The following COLEC12 variants were observed in gnomAD, a reference collection of about 807,000 sequenced individuals.
COLEC12 encodes collectin-12.
In COLEC12, 33 loss-of-function variants were observed where a neutral mutation model predicts 71.1. That is an observed-to-expected ratio of 0.46 (90% CI 0.35 to 0.62). COLEC12 has a LOEUF of 0.62. COLEC12 is among the 20% of genes least tolerant of loss of function. COLEC12 has a pLI of 0.00. For synonymous variants in COLEC12, 350 were observed against 353.0 expected, an observed-to-expected ratio of 0.99 and a Z score of 0.10; for missense variants, 765 against 916.1, an observed-to-expected ratio of 0.84 and a Z score of 2.13.
At chr18:377,911 G>A (rs920955746) in intron 2 of COLEC12, among the ~76,000 whole-genome samples, 1 of 151,904 alleles carries the variant, frequency 6.6e-6, no homozygotes, top group Admixed American at 6.6e-5. Flanking sequence ...GGCGGGTTGG[G>A]GCTTTAACTC....
chr18:337,021 CTT>C (rs71363208), intron 5 of COLEC12, among the ~76,000 whole-genome samples: 15,646 of 144,896 alleles, frequency 0.11, 947 homozygotes, highest in Admixed American at 0.16. Flanking sequence ...ACATTGCCTG[CTT>C]TTTTTTTTTT....
chr18:387,723 T>C (rs894154978), intron 2 of COLEC12, among the ~76,000 whole-genome samples: 1 of 152,220 alleles, frequency 6.6e-6, no homozygotes, highest in African/African-American at 2.4e-5. Context: ...TTGGGATCTT[T>C]GTTGAGAGAA....
chr18:490,543 C>G (rs1364610580), intron 1 of COLEC12, among the ~76,000 whole-genome samples: 2 of 152,192 alleles, frequency 1.3e-5, no homozygotes, highest in African/African-American at 4.8e-5. Flanking sequence ...ACGACATTAT[C>G]TGACTCTTTA....
intron 2 of COLEC12, among the ~76,000 whole-genome samples, chr18:368,208 G>A (rs1360159779): frequency 3.3e-5 from 5 of 152,292 alleles, no homozygotes; most frequent in South Asian, 4.1e-4. Flanking sequence ...GGGAACATAC[G>A]TTTGTACACA....
chr18:334,845 T>TGGTACCCCAGGCAAGCCTGGCAGTCCC lies in COLEC12; in HGVS notation c.1686_1712dup (p.Leu564_Gly572dup). ...GGGGGCCCTTGGGGCCTGGCATGCC[T>TGGTACCCCAGGCAAGCCTGGCAGTCCC]GGTACCCCAGGCAAGCCTGGCAGTC... On this transcript the variant is annotated inframe_insertion, in exon 6 of 10. Transcript: ENST00000400256. 1 of 1,525,992 alleles carries TGGTACCCCAGGCAAGCCTGGCAGTCCC rather than the reference T, an allele frequency of 6.6e-7. No individual in the cohort carries two copies. Among genetic ancestry groups the TGGTACCCCAGGCAAGCCTGGCAGTCCC allele is most frequent in the Non-Finnish European group, 8.7e-7 (1 of 1,145,998 alleles). 94.5% of individuals were successfully genotyped at this position (1,525,992 alleles called of 1,614,324 possible).
intron 2 of COLEC12, among the ~76,000 whole-genome samples, chr18:370,718 G>C (rs1914981230): frequency 6.6e-6 from 1 of 152,084 alleles, no homozygotes; most frequent in African/African-American, 2.4e-5. Context: ...GGGATCCCAG[G>C]GATGGTCTCA....
intron 2 of COLEC12, among the ~76,000 whole-genome samples, chr18:368,044 A>G: frequency 6.6e-6 from 1 of 152,246 alleles, no homozygotes; most frequent in East Asian, 1.9e-4. Context: ...TAAAAATGAA[A>G]AACCATTAAA....
intron 8 of COLEC12, among the ~76,000 whole-genome samples, chr18:325,518 G>A (rs966709111): frequency 2.6e-5 from 4 of 151,474 alleles, no homozygotes; most frequent in South Asian, 2.1e-4. Context: ...CCCAGGTCCC[G>A]TATGTGTCCG....
chr18:387,341 A>G (rs1324407558), intron 2 of COLEC12, among the ~76,000 whole-genome samples: 2 of 152,290 alleles, frequency 1.3e-5, no homozygotes, highest in Non-Finnish European at 2.9e-5. Flanking sequence ...CGCTTTAGAG[A>G]AAGCAAAAAA....
intron 8 of COLEC12, among the ~76,000 whole-genome samples, chr18:324,344 G>A (rs1280247970): frequency 6.6e-6 from 1 of 152,152 alleles, no homozygotes. Context: ...TGAAGTCTGG[G>A]GCTCAAAGCC....
intron 3 of COLEC12, among the ~76,000 whole-genome samples, chr18:355,610 T>C (rs777058350): frequency 2.0e-5 from 3 of 152,252 alleles, no homozygotes; most frequent in Non-Finnish European, 4.4e-5. Flanking sequence ...CAACATGTTA[T>C]ATATTTGCCA....
At chr18:423,018 C>A (rs1321785247) in intron 2 of COLEC12, among the ~76,000 whole-genome samples, 1 of 152,220 alleles carries the variant, frequency 6.6e-6, no homozygotes, top group African/African-American at 2.4e-5. Flanking sequence ...CGCCTGTAAT[C>A]CTAATACGTT....
At chr18:344,986 G>A (rs1914338617) in intron 5 of COLEC12, among the ~76,000 whole-genome samples, 2 of 152,192 alleles carry the variant, frequency 1.3e-5, no homozygotes, top group Admixed American at 6.5e-5. Flanking sequence ...GCCTCACAGG[G>A]GCTTATTAAC....
At chr18:331,061 G>GT (rs1205308583) in intron 8 of COLEC12, among the ~76,000 whole-genome samples, 1 of 149,930 alleles carries the variant, frequency 6.7e-6, no homozygotes, top group Admixed American at 6.7e-5. Context: ...TGTTTTTTTT[G>GT]TTTTTTTAGT....
At chr18:460,616 C>T (rs1916964209) in intron 2 of COLEC12, among the ~76,000 whole-genome samples, 1 of 152,194 alleles carries the variant, frequency 6.6e-6, no homozygotes, top group Non-Finnish European at 1.5e-5. Flanking sequence ...TTCAATATAG[C>T]TTTCCTGACA....
intron 3 of COLEC12, among the ~76,000 whole-genome samples, chr18:353,828 A>G (rs955161665): frequency 6.6e-6 from 1 of 152,288 alleles, no homozygotes; most frequent in East Asian, 1.9e-4. Context: ...ACACCATTTT[A>G]GGTTTCCTTA....
At chr18:379,802 AG>A (rs1915192792) in intron 2 of COLEC12, among the ~76,000 whole-genome samples, 2 of 152,108 alleles carry the variant, frequency 1.3e-5, no homozygotes, top group Admixed American at 1.3e-4. Context: ...ATAAGGGAGG[AG>A]TTCATTCATC....
At chr18:367,896 C>A (rs1914890443) in intron 2 of COLEC12, among the ~76,000 whole-genome samples, 2 of 152,048 alleles carry the variant, frequency 1.3e-5, no homozygotes, top group South Asian at 4.1e-4. Context: ...CAAGACTGGC[C>A]AGGGCAACAC....
In COLEC12 at chr18:475,534, C is replaced by T. The variant is rs187706498; in HGVS notation, c.58+5173G>A. Among the ~76,000 whole-genome samples, 65 of 152,258 alleles carry T rather than the reference C, an allele frequency of 4.3e-4. 1 individual carries two copies. Among genetic ancestry groups the T allele is most frequent in the Admixed American group, 3.2e-3 (49 of 15,284 alleles). On this transcript the variant is annotated intron_variant, in intron 2 of 9. Transcript: ENST00000400256. ...AGACAGGCAGCCTGCCCCGTAAAAG[C>T]CCAGCAACAAGAAGTAGAGGCATCC...
Sources: allele counts gnomAD v4.1 joint callset (sites outside exome capture counted in the v4.1 genomes callset), GRCh38; gene constraint gnomAD v4.1.1; transcripts MANE v1.5; gene names NCBI Gene and HGNC (gene_info 2026-07-23, HGNC 2026-07-21).